Variants in CGNL1 observed in about 807,000 individuals in gnomAD.
CGNL1 encodes the protein cingulin-like protein 1.
In CGNL1, 132 loss-of-function variants were observed where a neutral mutation model predicts 141.2. The observed-to-expected ratio is 0.93, with a 90% CI of 0.81 to 1.08. CGNL1 has a LOEUF of 1.08. CGNL1 is among the 50% of genes least tolerant of loss of function. The pLI is 0.00. For synonymous variants in CGNL1, 690 were observed against 622.1 expected, an observed-to-expected ratio of 1.11 and a Z score of -1.63; for missense variants, 1,870 against 1,588.6, an observed-to-expected ratio of 1.18 and a Z score of -3.01.
At chr15:57,440,295 T>G (rs2063169732) in intron 2 of CGNL1, 82 bp from the exon 3 acceptor site, 1 of 956,662 alleles carries the variant, frequency 1.0e-6, no homozygotes. Flanking sequence ...CTAAGAAGGA[T>G]GCTCACTGGA....
chr15:57,520,491 A>C (rs1409427321), intron 10 of CGNL1, among the ~76,000 whole-genome samples: 1 of 152,216 alleles, frequency 6.6e-6, no homozygotes, highest in Non-Finnish European at 1.5e-5. Context: ...ACCATGACTC[A>C]GTTAAAAAGT....
At chr15:57,491,930 A>G (rs1312845911) in intron 8 of CGNL1, among the ~76,000 whole-genome samples, 1 of 152,144 alleles carries the variant, frequency 6.6e-6, no homozygotes. Flanking sequence ...GGTCATCAAA[A>G]CCAGGGAAAG....
chr15:57,398,611 G>A (rs567109503), intron 1 of CGNL1, among the ~76,000 whole-genome samples: 14 of 152,284 alleles, frequency 9.2e-5, no homozygotes, highest in African/African-American at 3.1e-4. Context: ...TCATGGCAGC[G>A]TGTTGTTTGA....
chr15:57,398,823 T>C (rs1204908723), intron 1 of CGNL1, among the ~76,000 whole-genome samples: 1 of 152,238 alleles, frequency 6.6e-6, no homozygotes, highest in Non-Finnish European at 1.5e-5. Context: ...AGAGGCCTTG[T>C]ATTTTTAACA....
intron 8 of CGNL1, among the ~76,000 whole-genome samples, chr15:57,479,086 G>A (rs527501289): frequency 1.3e-5 from 2 of 152,334 alleles, no homozygotes; most frequent in African/African-American, 4.8e-5. Context: ...CCAGGAAGGT[G>A]CAAGGAGTTG....
intron 5 of CGNL1, among the ~76,000 whole-genome samples, 164 bp from the exon 6 acceptor site, chr15:57,451,977 G>A (rs1203938853): frequency 6.6e-6 from 1 of 152,160 alleles, no homozygotes; most frequent in African/African-American, 2.4e-5. Context: ...AATGTTTGAT[G>A]TTCTTTCTAG....
rs1467420197 is a variant in CGNL1, at chr15:57,542,313, TTTTCATCCTTAAGAAGGAAAAGGTGG to T, written c.3292-1379_3292-1354del. On this transcript the variant is annotated intron_variant, in intron 14 of 18. Transcript: ENST00000281282. ...TAGCCACGTTGGATCCTGGAATTCGTTTTCATCCTTAAGAAGGAAAAGGTGGTTTTATTTTACTGGCTTAGCTTGAT... is the reference window on the plus strand; with the variant it reads ...TAGCCACGTTGGATCCTGGAATTCGTTTTTATTTTACTGGCTTAGCTTGAT... Among the ~76,000 whole-genome samples the T allele has an allele frequency of 2.0e-5, 3 of 152,180 alleles. No individual in the cohort carries two copies. The East Asian group carries it at 5.8e-4, about 29-fold the overall frequency.
At chr15:57,469,457 A>G (rs1404671877) in intron 8 of CGNL1, among the ~76,000 whole-genome samples, 1 of 151,638 alleles carries the variant, frequency 6.6e-6, no homozygotes, top group Non-Finnish European at 1.5e-5. Context: ...GAAGACACAG[A>G]CACAGAGACC....
intron 8 of CGNL1, among the ~76,000 whole-genome samples, chr15:57,480,737 A>T (rs2063714910): frequency 6.6e-6 from 1 of 152,204 alleles, no homozygotes; most frequent in Non-Finnish European, 1.5e-5. Flanking sequence ...TCATTAAAAA[A>T]AATTGTATGC....
intron 1 of CGNL1, among the ~76,000 whole-genome samples, chr15:57,437,098 A>C (rs565676976): frequency 7.7e-4 from 117 of 152,160 alleles, no homozygotes; most frequent in African/African-American, 2.7e-3. Context: ...CTGGTGAGGA[A>C]CCTCGGAGTG....
At chr15:57,453,637 A>G (rs1347227806) in intron 6 of CGNL1, 46 bp from the exon 7 acceptor site, 2 of 1,608,876 alleles carry the variant, frequency 1.2e-6, no homozygotes, top group Non-Finnish European at 1.7e-6. Flanking sequence ...GATGGAAATA[A>G]GCAGAGCCCA....
intron 1 of CGNL1, among the ~76,000 whole-genome samples, chr15:57,417,682 A>G (rs1214121066): frequency 6.6e-6 from 1 of 151,702 alleles, no homozygotes; most frequent in Non-Finnish European, 1.5e-5. Context: ...TATTCATTCA[A>G]TTCATAAGCA....
rs577856341 is a variant in CGNL1, at chr15:57,448,902, A to C, written c.1804-2598A>C. Among the ~76,000 whole-genome samples the C allele has an allele frequency of 2.8e-4, 42 of 152,062 alleles. No homozygotes were observed. The South Asian group carries it at 8.3e-3, about 30-fold the overall frequency. ...TGGAATGTGTTATCTCCCCCTGAAG[A>C]ATGTTAAGTTTTGTTTTGACAGACA... On this transcript the variant is annotated intron_variant, in intron 4 of 18. Transcript: ENST00000281282.
In CGNL1 at chr15:57,452,178, G is replaced by C. The variant is rs140746323; in HGVS notation, c.1943G>C (p.Arg648Thr). 303 of 1,613,792 alleles carry C rather than the reference G, an allele frequency of 1.9e-4. No homozygotes were observed. Among genetic ancestry groups the C allele is most frequent in the Middle Eastern group, 3.3e-4 (2 of 6,082 alleles). Residue 648 changes from arginine (R) to threonine (T), a missense_variant, in exon 6 of 19, where the codon AGA becomes ACA. By Grantham distance (71) the Arg-to-Thr change is moderately conservative. Transcript: ENST00000281282. The stretch of plus-strand genomic sequence containing the variant: ...ATTAAAGAAGAGAGAGAGAGGATGA[G>C]AGCAAACCTAGAAGAGCTCCGAAGC... Reference protein sequence around the residue: ...QNIKEERERMRANLEELRSQH... With the variant: ...QNIKEERERMTANLEELRSQH...
intron 7 of CGNL1, among the ~76,000 whole-genome samples, chr15:57,459,560 C>T (rs912021100): frequency 3.9e-5 from 6 of 152,036 alleles, no homozygotes; most frequent in Admixed American, 2.0e-4. Flanking sequence ...AAGGGCACTC[C>T]GGACTGAAGA....
At chr15:57,496,708 A>C (rs1033335283) in intron 8 of CGNL1, among the ~76,000 whole-genome samples, 7 of 152,164 alleles carry the variant, frequency 4.6e-5, no homozygotes, top group Non-Finnish European at 8.8e-5. Context: ...TGAGCCCTGG[A>C]GTCAGACTCA....
chr15:57,383,299 T>TTTTTTTG (rs1567085070), intron 1 of CGNL1, among the ~76,000 whole-genome samples: 2 of 96,034 alleles, frequency 2.1e-5, no homozygotes, highest in Non-Finnish European at 2.2e-5. Flanking sequence ...TTCCTTTTTT[T>TTTTTTTG]TTTTTTGTTT....
intron 8 of CGNL1, among the ~76,000 whole-genome samples, chr15:57,469,929 T>G (rs1567137990): frequency 1.3e-5 from 2 of 152,232 alleles, no homozygotes; most frequent in African/African-American, 4.8e-5. Context: ...AGTGCTAATC[T>G]CAGGATCAGT....
rs926216987 is a variant in CGNL1 at position 57,470,090 on chromosome 15, A to T, written c.2403+8198A>T. On this transcript the variant is annotated intron_variant, in intron 8 of 18. Coordinates refer to ENST00000281282, the MANE Select transcript of CGNL1 (RefSeq NM_032866.5). ...AATCAACTTACCCTGAATGACGGCTACTGAGAGCTGGAGAAGTGGTGGGGT... is the reference window on the plus strand; with the variant it reads ...AATCAACTTACCCTGAATGACGGCTTCTGAGAGCTGGAGAAGTGGTGGGGT... Among the ~76,000 whole-genome samples, 3 of 152,198 alleles carry T rather than the reference A, an allele frequency of 2.0e-5. No homozygotes were observed. In the East Asian group the frequency reaches 5.8e-4, roughly 29 times the overall value.
Sources: gnomAD v4.1 joint callset for allele counts (sites outside exome capture counted in the v4.1 genomes callset) on GRCh38, gnomAD v4.1.1 for gene constraint, MANE v1.5 for transcripts, NCBI Gene and HGNC (gene_info 2026-07-23, HGNC 2026-07-21) for gene names.